The following ZNF316 variants were observed in gnomAD, a reference collection of about 807,000 sequenced individuals.
ZNF316 encodes the protein zinc finger protein 316.
ZNF316 carries 23 observed loss-of-function variants against 75.6 expected under a neutral mutation model. That is an observed-to-expected ratio of 0.30 (90% CI 0.22 to 0.43). The LOEUF (loss-of-function observed/expected upper bound fraction) is 0.43, where lower values mean the gene tolerates loss of function less well. Ranked by LOEUF, ZNF316 falls within the 20% of genes least tolerant of loss-of-function variation. The probability of loss-of-function intolerance (pLI) is 1.00; values close to 1 mark genes in which losing one functional copy is unlikely to be tolerated. For synonymous variants in ZNF316, 827 were observed against 666.2 expected, an observed-to-expected ratio of 1.24 and a Z score of -3.72; for missense variants, 1,266 against 1,409.4, an observed-to-expected ratio of 0.90 and a Z score of 1.63.
In ZNF316 at chr7:6,653,852, C is replaced by T. The variant is rs1227778298; in HGVS notation, c.2256C>T (p.Cys752=). 16 of 1,081,652 alleles carry T rather than the reference C, an allele frequency of 1.5e-5. No homozygotes were observed. The highest frequency in any genetic ancestry group is 5.6e-5 in the East Asian group (1 of 17,910). 67.0% of individuals were successfully genotyped at this position (1,081,652 alleles called of 1,614,324 possible). ...TGERPFPCPE[C]GARFARGSHL... is the part of the protein sequence containing the mutation. ...AGCGGCCCTTCCCGTGCCCCGAGTG[C>T]GGCGCGCGGTTCGCCCGCGGCTCGC... is the stretch of plus-strand genomic sequence containing the variant. The change falls in exon 9 of 9, where the codon TGC becomes TGT. Residue 752 remains cysteine (C), a synonymous_variant. Transcript: ENST00000382252.
rs1477259935 is a variant in ZNF316, at chr7:6,652,643, G to C, written c.1047G>C (p.Val349=). 48 of 1,230,818 alleles carry C rather than the reference G, an allele frequency of 3.9e-5. No individual in the cohort carries two copies. Among genetic ancestry groups the C allele is most frequent in the Non-Finnish European group, 4.7e-5 (46 of 987,262 alleles). 76.2% of individuals were successfully genotyped at this position (1,230,818 alleles called of 1,614,324 possible). A position where few individuals can be genotyped will look rare whatever the true frequency, so the allele number is the denominator to read the frequency against. Residue 349 remains valine (V), a synonymous_variant, in exon 9 of 9, where the codon GTG becomes GTC. Transcript: ENST00000382252. The part of the protein sequence containing the change: ...PAGRPETTCD[V]CGKVFPHRSR... Reference sequence around the variant, plus strand: ...GGAGGCCGGAGACCACGTGCGACGTGTGCGGCAAGGTCTTCCCGCACCGCT... The same window carrying C: ...GGAGGCCGGAGACCACGTGCGACGTCTGCGGCAAGGTCTTCCCGCACCGCT...
chr7:6,641,036 C>T (rs1305443434), intron 3 of ZNF316, among the ~76,000 whole-genome samples: 3 of 152,210 alleles, frequency 2.0e-5, no homozygotes, highest in African/African-American at 7.2e-5. Context: ...TGGCCTAACA[C>T]AGCTGCGCTA....
rs747347808 is a variant in ZNF316, at chr7:6,657,831, C to CAAAAAA, written c.*3241_*3246dup. On this transcript the variant is annotated 3_prime_UTR_variant, in exon 9 of 9. Transcript: ENST00000382252. ...GTGACAGAACAAGACCCTATCTCAC[C>CAAAAAA]AAAAAAAAAAAAAAAAAAAAAAAAA... Among the ~76,000 whole-genome samples, 3 of 27,724 alleles carry CAAAAAA rather than the reference C, an allele frequency of 1.1e-4. No homozygotes were observed. The highest frequency in any genetic ancestry group is 1.6e-4 in the African/African-American group (1 of 6,264). The allele number at this position is 27,724 out of a possible 152,430, so 18.2% of individuals were successfully genotyped here.
At position 6,642,499 on chromosome 7, in the gene ZNF316, A is replaced by AGAGGAG; in HGVS notation, c.102_107dup (p.Glu35_Glu36dup). On this transcript the variant is annotated inframe_insertion, in exon 5 of 9. Coordinates refer to ENST00000382252, the MANE Select transcript of ZNF316 (RefSeq NM_001278559.2). This position sits in a 1 kb window ranked among gnomAD's most constrained non-coding sequence, Gnocchi z 8.1. Reference sequence around the variant, plus strand: ...CAGAGTGCGACCCTGACCAGGAAGAAGAGGAGGAGGAGGAGGAAAAGGGGG... The same window carrying AGAGGAG: ...CAGAGTGCGACCCTGACCAGGAAGAAGAGGAGGAGGAGGAGGAGGAGGAAAAGGGGG... 8.1e-7 allele frequency: 1 copy of AGAGGAG among 1,233,292 alleles called. No homozygotes were observed. Among genetic ancestry groups the AGAGGAG allele is most frequent in the Non-Finnish European group, 1.0e-6 (1 of 988,378 alleles). The allele number at this position is 1,233,292 out of a possible 1,614,324, so 76.4% of individuals were successfully genotyped here. A position where few individuals can be genotyped will look rare whatever the true frequency, so the allele number is the denominator to read the frequency against.
In ZNF316 at chr7:6,639,157, A is replaced by C. The variant is rs2115305163; in HGVS notation, c.-167+16A>C. ...TGCTTCTGGGGTGAGTTCCAATTCC[A>C]AGGGTCCCCCCAACCCCCTACCCCC... On this transcript the variant is annotated intron_variant, in intron 3 of 8. Transcript: ENST00000382252. The surrounding 1 kb of genome is among the most constrained non-coding windows in gnomAD (Gnocchi z 4.2). 6.6e-6 allele frequency: 1 copy of C among 152,490 alleles called. No individual in the cohort carries two copies. The highest frequency in any genetic ancestry group is 1.9e-4 in the East Asian group (1 of 5,174). 9.4% of individuals were successfully genotyped at this position (152,490 alleles called of 1,614,324 possible).
chr7:6,656,679 A>C lies in ZNF316; in HGVS notation c.*2068A>C, dbSNP rs1022240905. On this transcript the variant is annotated 3_prime_UTR_variant, in exon 9 of 9. Coordinates refer to ENST00000382252, the MANE Select transcript of ZNF316 (RefSeq NM_001278559.2). The stretch of plus-strand genomic sequence containing the variant: ...ACACTTGATGTAGTGTAAACACCTG[A>C]CTTGGGGCATTACTTTTTGTGAATA... Among the ~76,000 whole-genome samples the C allele has an allele frequency of 6.6e-6, 1 of 152,148 alleles. No individual in the cohort carries two copies. Among genetic ancestry groups the C allele is most frequent in the African/African-American group, 2.4e-5 (1 of 41,424 alleles).
Position 6,640,015 on chromosome 7 carries a change from A to G in ZNF316, c.-167+874A>G, listed in dbSNP as rs1022064763. Among the ~76,000 whole-genome samples the G allele has an allele frequency of 1.3e-5, 2 of 152,122 alleles. No individual in the cohort carries two copies. Among genetic ancestry groups the G allele is most frequent in the Non-Finnish European group, 2.9e-5 (2 of 68,034 alleles). On this transcript the variant is annotated intron_variant, in intron 3 of 8. Transcript: ENST00000382252. This position sits in a 1 kb window ranked among gnomAD's most constrained non-coding sequence, Gnocchi z 5.1. ...TTTGGGGGTTAGTGATTCTGAAACTAGAAAGGGGGCTGGAGCCAGTCAGGG... is the reference window on the plus strand; with the variant it reads ...TTTGGGGGTTAGTGATTCTGAAACTGGAAAGGGGGCTGGAGCCAGTCAGGG...
At chr7:6,652,066 G>T (rs955509817) in intron 8 of ZNF316, among the ~76,000 whole-genome samples, 1 of 152,190 alleles carries the variant, frequency 6.6e-6, no homozygotes, top group African/African-American at 2.4e-5. Flanking sequence ...AGTTTCAGGT[G>T]CTGCGTGTCC....
intron 8 of ZNF316, among the ~76,000 whole-genome samples, chr7:6,647,802 CAT>C (rs1779434358): frequency 6.6e-6 from 1 of 152,218 alleles, no homozygotes; most frequent in Non-Finnish European, 1.5e-5. Context: ...CACCGAGCAG[CAT>C]CCCTCAGTGA....
In ZNF316 at chr7:6,642,779, C is replaced by T. The variant is rs1779333614; in HGVS notation, c.355+15C>T. ...TCAGGAAAAGGGTAAGAAAAGCAGC[C>T]AGCCTTGGGGAGGAGATGAAGGGGG... On this transcript the variant is annotated intron_variant, in intron 5 of 8. Transcript: ENST00000382252. The surrounding 1 kb of genome is among the most constrained non-coding windows in gnomAD (Gnocchi z 8.1). 4 of 1,233,440 alleles carry T rather than the reference C, an allele frequency of 3.2e-6. No homozygotes were observed. The highest frequency in any genetic ancestry group is 1.5e-5 in the African/African-American group (1 of 64,534). 76.4% of individuals were successfully genotyped at this position (1,233,440 alleles called of 1,614,324 possible). A position where few individuals can be genotyped will look rare whatever the true frequency, so the allele number is the denominator to read the frequency against.
At chr7:6,647,140 G>A (rs564850822) in intron 8 of ZNF316, among the ~76,000 whole-genome samples, 1 of 152,160 alleles carries the variant, frequency 6.6e-6, no homozygotes, top group African/African-American at 2.4e-5. Context: ...CCCTGTACTT[G>A]TGGGACTGTC....
rs1421406848 is a variant in ZNF316, at chr7:6,653,633, C to G, written c.2037C>G (p.Pro679=). The G allele has an allele frequency of 2.8e-5, 30 of 1,062,898 alleles. No individual in the cohort carries two copies. Among genetic ancestry groups the G allele is most frequent in the Non-Finnish European group, 3.3e-5 (29 of 878,566 alleles). The allele number at this position is 1,062,898 out of a possible 1,614,324, so 65.8% of individuals were successfully genotyped here. A position where few individuals can be genotyped will look rare whatever the true frequency, so the allele number is the denominator to read the frequency against. ...GPAIGGLLAE[P]APAALAEEES... is the part of the protein sequence containing the mutation. ...CCATCGGGGGTCTGCTGGCGGAGCC[C>G]GCGCCGGCCGCGCTGGCGGAGGAGG... Residue 679 remains proline, a synonymous_variant, in exon 9 of 9, where the codon CCC becomes CCG. Transcript: ENST00000382252.
rs190803021 is a variant in ZNF316, at chr7:6,639,851, A to G, written c.-167+710A>G. 6.6e-6 allele frequency among the ~76,000 whole-genome samples: 1 copy of G among 152,334 alleles called. No individual in the cohort carries two copies. Among genetic ancestry groups the G allele is most frequent in the East Asian group, 1.9e-4 (1 of 5,186 alleles). On this transcript the variant is annotated intron_variant, in intron 3 of 8. Transcript: ENST00000382252. This position sits in a 1 kb window ranked among gnomAD's most constrained non-coding sequence, Gnocchi z 4.2. ...GGGCCGTGTCCTCCTGGAGGTGGCTAGCATAACACGCAGCACGTGGATTTC... is the reference window on the plus strand; with the variant it reads ...GGGCCGTGTCCTCCTGGAGGTGGCTGGCATAACACGCAGCACGTGGATTTC...
rs138170677 is a variant in ZNF316, at chr7:6,651,131, C to T, written c.707-1172C>T. ...TTGGGAGGCCAAGGTGGGTAGACCA[C>T]CTGAGGTCAGGAGTTTGAGACTAGC... On this transcript the variant is annotated intron_variant, in intron 8 of 8. Transcript: ENST00000382252. Among the ~76,000 whole-genome samples, 385 of 152,212 alleles carry T rather than the reference C, an allele frequency of 2.5e-3. 1 individual carries two copies. Among genetic ancestry groups the T allele is most frequent in the African/African-American group, 8.9e-3 (368 of 41,532 alleles).
chr7:6,645,951 G>A (rs139439985), intron 8 of ZNF316, among the ~76,000 whole-genome samples: 3,652 of 139,878 alleles, frequency 0.026, 76 homozygotes, highest in Middle Eastern at 0.044. Context: ...CCAAGACTGC[G>A]CCACTGCATT....
intron 8 of ZNF316, among the ~76,000 whole-genome samples, chr7:6,650,373 C>T (rs934025147): frequency 6.6e-6 from 1 of 152,232 alleles, no homozygotes; most frequent in African/African-American, 2.4e-5. Context: ...TTATTTCAAG[C>T]TTACGTTTAC....
At chr7:6,645,608 C>T (rs574385695) in intron 8 of ZNF316, among the ~76,000 whole-genome samples, 6 of 150,642 alleles carry the variant, frequency 4.0e-5, no homozygotes, top group East Asian at 3.9e-4. Flanking sequence ...GGCTTGAACC[C>T]GGGAGGCAGA....
chr7:6,642,842 AGGGCTCTTG>A lies in ZNF316; in HGVS notation c.355+81_355+89del, dbSNP rs199516430. The A allele has an allele frequency of 0.056, 68,722 of 1,231,912 alleles. 2,115 individuals are homozygous for A. The highest frequency in any genetic ancestry group is 0.066 in the Middle Eastern group (213 of 3,216). The allele number at this position is 1,231,912 out of a possible 1,614,324, so 76.3% of individuals were successfully genotyped here. On this transcript the variant is annotated intron_variant, in intron 5 of 8. Coordinates refer to ENST00000382252, the MANE Select transcript of ZNF316 (RefSeq NM_001278559.2). This position sits in a 1 kb window ranked among gnomAD's most constrained non-coding sequence, Gnocchi z 8.1. ...AGGCCAGGGACCTGGTCAAGCCAGG[AGGGCTCTTG>A]GGCCGACAGGGTGGAGCTGAAACCC...
Position 6,640,095 on chromosome 7 carries a change from C to G in ZNF316, c.-167+954C>G, listed in dbSNP as rs1449122916. Among the ~76,000 whole-genome samples, 1 of 152,124 alleles carries G rather than the reference C, an allele frequency of 6.6e-6. No homozygotes were observed. Among genetic ancestry groups the G allele is most frequent in the African/African-American group, 2.4e-5 (1 of 41,418 alleles). On this transcript the variant is annotated intron_variant, in intron 3 of 8. Coordinates refer to ENST00000382252, the MANE Select transcript of ZNF316 (RefSeq NM_001278559.2). The surrounding 1 kb of genome is among the most constrained non-coding windows in gnomAD (Gnocchi z 5.1). ...CTTCTGGATGCCTGTGTGTCCCAGCCTTTGACTTGGGTGAGCCTGTGTGAA... is the reference window on the plus strand; with the variant it reads ...CTTCTGGATGCCTGTGTGTCCCAGCGTTTGACTTGGGTGAGCCTGTGTGAA...
Sources: gnomAD v4.1 joint callset for allele counts (sites outside exome capture counted in the v4.1 genomes callset) on GRCh38, gnomAD v4.1.1 for gene constraint, Gnocchi (gnomAD v3.1) non-coding constraint, MANE v1.5 for transcripts, NCBI Gene and HGNC (gene_info 2026-07-23, HGNC 2026-07-21) for gene names.